The following PAPPA2 variants were observed in gnomAD, a reference collection of about 807,000 sequenced individuals.
The protein encoded by PAPPA2 is pappalysin 2.
In PAPPA2, 86 loss-of-function variants were observed where a neutral mutation model predicts 176.4. That is an observed-to-expected ratio of 0.49 (90% CI 0.41 to 0.58). The LOEUF (loss-of-function observed/expected upper bound fraction) is 0.58, where lower values mean the gene tolerates loss of function less well. Among genes scored for constraint, PAPPA2 ranks in the 20% least tolerant of loss-of-function variants. The probability of loss-of-function intolerance (pLI) is 0.00; values close to 1 mark genes in which losing one functional copy is unlikely to be tolerated. For missense variants in PAPPA2, 2,073 were observed against 2,256.9 expected (o/e 0.92, Z 1.65); for synonymous variants, 809 against 852.2 (o/e 0.95, Z 0.88).
At chr1:176,778,881 G>A (rs1041079051) in intron 17 of PAPPA2, among the ~76,000 whole-genome samples, 4 of 152,108 alleles carry the variant, frequency 2.6e-5, no homozygotes, top group Admixed American at 1.3e-4. Flanking sequence ...TGCCATTGTA[G>A]GATAATGTGT....
chr1:176,683,029 T>TATTG (rs1250677027), intron 4 of PAPPA2, among the ~76,000 whole-genome samples: 6 of 150,574 alleles, frequency 4.0e-5, no homozygotes, highest in African/African-American at 1.5e-4. Flanking sequence ...TTTATTTATT[T>TATTG]ATTTATTTAT....
intron 3 of PAPPA2, among the ~76,000 whole-genome samples, chr1:176,662,965 A>G (rs1658437024): frequency 6.6e-6 from 1 of 152,210 alleles, no homozygotes; most frequent in Non-Finnish European, 1.5e-5. Context: ...TTAAAATCAA[A>G]CTATTATATC....
chr1:176,695,855 T>C lies in PAPPA2; in HGVS notation c.2742T>C (p.Ala914=), dbSNP rs749855203. Residue 914 remains alanine (A), a synonymous_variant, in exon 7 of 23, where the codon GCT becomes GCC. Transcript: ENST00000367662. Reference sequence around the variant, plus strand: ...CAGGTTATTGGACCCCAGAGGAGGCTGTGGGTAAAGTACCATGACATTTTT... The same window carrying C: ...CAGGTTATTGGACCCCAGAGGAGGCCGTGGGTAAAGTACCATGACATTTTT... The part of the protein sequence containing the change: ...DSSGYWTPEE[A]VGPPDVDQPC... 1 of 1,613,886 alleles carries C rather than the reference T, an allele frequency of 6.2e-7. No individual in the cohort carries two copies. The highest frequency in any genetic ancestry group is 1.1e-5 in the South Asian group (1 of 91,068).
At chr1:176,484,490 T>A (rs1267069892) in intron 1 of PAPPA2, among the ~76,000 whole-genome samples, 2 of 152,238 alleles carry the variant, frequency 1.3e-5, no homozygotes, top group Non-Finnish European at 2.9e-5. Flanking sequence ...TATGTTACAC[T>A]TTTTGTAGTT....
chr1:176,551,391 A>C lies in PAPPA2; in HGVS notation c.-916-4016A>C, dbSNP rs144686929. On this transcript the variant is annotated intron_variant, in intron 1 of 22. Transcript: ENST00000367662. ...TGTGTTCTAGGAGGCTTTTATTACT[A>C]CGCTCCCTGGCTGGCTCCCAGCTGA... 8.9e-3 allele frequency among the ~76,000 whole-genome samples: 1,362 copies of C among 152,276 alleles called. 19 individuals are homozygous for C. Among genetic ancestry groups the C allele is most frequent in the Middle Eastern group, 0.017 (5 of 294 alleles).
intron 3 of PAPPA2, among the ~76,000 whole-genome samples, chr1:176,639,747 T>C (rs1194725656): frequency 6.6e-6 from 1 of 151,232 alleles, no homozygotes; most frequent in Non-Finnish European, 1.5e-5. Flanking sequence ...GGAGTTTCGC[T>C]CTTGTTGCCC....
At chr1:176,744,394 G>A (rs561599458) in intron 14 of PAPPA2, among the ~76,000 whole-genome samples, 7 of 152,150 alleles carry the variant, frequency 4.6e-5, no homozygotes, top group Non-Finnish European at 1.0e-4. Context: ...TTCAGATTTT[G>A]CCATGTCCAA....
In PAPPA2 at chr1:176,793,603, C is replaced by T. The variant is rs777455062; in HGVS notation, c.5064C>T (p.Pro1688=). 1.5e-5 allele frequency: 25 copies of T among 1,613,118 alleles called. No homozygotes were observed. Among genetic ancestry groups the T allele is most frequent in the East Asian group, 1.3e-4 (6 of 44,864 alleles). Residue 1688 remains proline (P), a synonymous_variant, in exon 20 of 23, where the codon CCC becomes CCT. Transcript: ENST00000367662. ...TGTGTGTAATCCCCCCCAGTGACCC[C>T]GTGATGCTACCTGAGAATATCACTG... ...SPLCVIPPSD[P]VMLPENITAD...
Position 176,609,417 on chromosome 1 carries a change from G to A in PAPPA2, c.1991+13822G>A, listed in dbSNP as rs575994589. The stretch of plus-strand genomic sequence containing the variant: ...GAATAAACAAATGTGTAGATCAAAG[G>A]CCAGACAGTGGTAAGTGCTAGAGAA... On this transcript the variant is annotated intron_variant, in intron 3 of 22. Transcript: ENST00000367662. 9.0e-5 allele frequency among the ~76,000 whole-genome samples: 10 copies of A among 111,594 alleles called. No individual in the cohort carries two copies. The East Asian group carries it at 2.6e-3, about 29-fold the overall frequency. 73.2% of individuals were successfully genotyped at this position (111,594 alleles called of 152,430 possible).
chr1:176,465,638 C>CTT (rs528430128), intron 1 of PAPPA2, among the ~76,000 whole-genome samples: 71 of 127,736 alleles, frequency 5.6e-4, no homozygotes, highest in African/African-American at 1.9e-3. Context: ...CCAGGCCATT[C>CTT]TTTTTTTTTT....
chr1:176,500,434 G>A (rs1647890750), intron 1 of PAPPA2, among the ~76,000 whole-genome samples: 1 of 149,610 alleles, frequency 6.7e-6, no homozygotes, highest in South Asian at 2.1e-4. Context: ...CACTGTAATT[G>A]AATTTTAAAA....
At chr1:176,595,987 G>C (rs540679232) in intron 3 of PAPPA2, among the ~76,000 whole-genome samples, 16 of 152,318 alleles carry the variant, frequency 1.1e-4, no homozygotes, top group Admixed American at 7.8e-4. Flanking sequence ...CTAATTACAC[G>C]TGACAATACT....
intron 12 of PAPPA2, among the ~76,000 whole-genome samples, chr1:176,729,348 C>T (rs907460942): frequency 6.6e-6 from 1 of 152,010 alleles, no homozygotes; most frequent in Admixed American, 6.6e-5. Flanking sequence ...GTCTTTTCAT[C>T]TGTTTCCTTT....
chr1:176,704,283 C>T (rs1234431952), intron 9 of PAPPA2, among the ~76,000 whole-genome samples: 1 of 152,212 alleles, frequency 6.6e-6, no homozygotes, highest in Admixed American at 6.5e-5. Flanking sequence ...CCTATGTTTT[C>T]TTCTCTGTGT....
chr1:176,682,683 G>GTTA (rs753323618), intron 4 of PAPPA2, among the ~76,000 whole-genome samples: 1 of 152,020 alleles, frequency 6.6e-6, no homozygotes, highest in Non-Finnish European at 1.5e-5. Context: ...TCTAGCTCCA[G>GTTA]TTATTATTAT....
intron 3 of PAPPA2, among the ~76,000 whole-genome samples, chr1:176,613,650 T>C (rs1177424868): frequency 6.6e-6 from 1 of 152,200 alleles, no homozygotes; most frequent in Non-Finnish European, 1.5e-5. Flanking sequence ...CCTAGTAGAC[T>C]CCCTTACCTT....
At chr1:176,576,866 A>G (rs144275157) in intron 2 of PAPPA2, among the ~76,000 whole-genome samples, 1,668 of 151,472 alleles carry the variant, frequency 0.011, 17 homozygotes, top group Admixed American at 0.021. Context: ...GACTTCTGAC[A>G]GGTGCTGCTG....
At chr1:176,623,801 T>TTCTTTCTTTCTTTCTTTCTTTCTTTC (rs1553376035) in intron 3 of PAPPA2, among the ~76,000 whole-genome samples, 3 of 121,382 alleles carry the variant, frequency 2.5e-5, no homozygotes, top group African/African-American at 9.3e-5. Flanking sequence ...CTTTCTTTCT[T>TTCTTTCTTTCTTTCTTTCTTTCTTTC]TCTTTCTTCT....
At chr1:176,542,398 A>G (rs1019222964) in intron 1 of PAPPA2, among the ~76,000 whole-genome samples, 1 of 152,232 alleles carries the variant, frequency 6.6e-6, no homozygotes. Context: ...GATTTGAAGC[A>G]GCTGACTTCT....
Sources: gnomAD v4.1 joint callset for allele counts (sites outside exome capture counted in the v4.1 genomes callset) on GRCh38, gnomAD v4.1.1 for gene constraint, MANE v1.5 for transcripts, NCBI Gene and HGNC (gene_info 2026-07-23, HGNC 2026-07-21) for gene names.